RNF180: variants seen among roughly 807,000 people sequenced by gnomAD.
RNF180 encodes E3 ubiquitin-protein ligase RNF180.
Under a neutral mutation model 59.2 loss-of-function variants are expected in RNF180, and 38 were observed. The ratio of observed to expected loss-of-function variants is 0.64; its 90% CI spans 0.50 to 0.84. The LOEUF is 0.84. Among genes scored for constraint, RNF180 ranks in the 40% least tolerant of loss-of-function variants. The probability of loss-of-function intolerance (pLI) is 0.00; values close to 1 mark genes in which losing one functional copy is unlikely to be tolerated. For synonymous variants in RNF180, 262 were observed against 240.3 expected (o/e 1.09, Z -0.84); for missense variants, 705 against 700.9 (o/e 1.01, Z -0.07).
chr5:64,365,209 C>A (rs891463579), intron 7 of RNF180, among the ~76,000 whole-genome samples: 16 of 151,020 alleles, frequency 1.1e-4, no homozygotes, highest in African/African-American at 3.9e-4. Flanking sequence ...TCCCTTTTAA[C>A]TCTTCTCATT....
At chr5:64,186,765 A>G (rs2111978438) in intron 1 of RNF180, among the ~76,000 whole-genome samples, 1 of 152,284 alleles carries the variant, frequency 6.6e-6, no homozygotes, top group Non-Finnish European at 1.5e-5. Flanking sequence ...AAATAATGAA[A>G]ACTCTTCTTT....
chr5:64,306,688 G>A (rs1004235321), intron 5 of RNF180, among the ~76,000 whole-genome samples: 8 of 151,680 alleles, frequency 5.3e-5, no homozygotes, highest in African/African-American at 1.9e-4. Context: ...CATGGATGAA[G>A]CTGGAAACCA....
intron 5 of RNF180, among the ~76,000 whole-genome samples, chr5:64,308,377 GTTTCAGT>G (rs1174830467): frequency 6.6e-6 from 1 of 151,692 alleles, no homozygotes; most frequent in Non-Finnish European, 1.5e-5. Context: ...CTGGCTTCTT[GTTTCAGT>G]TCTATTACTA....
At chr5:64,264,977 A>G (rs193136900) in intron 5 of RNF180, among the ~76,000 whole-genome samples, 1 of 152,234 alleles carries the variant, frequency 6.6e-6, no homozygotes, top group East Asian at 1.9e-4. Context: ...TCTAATGACT[A>G]GTGATGATGA....
intron 5 of RNF180, among the ~76,000 whole-genome samples, chr5:64,287,933 T>G (rs990655258): frequency 6.6e-6 from 1 of 152,244 alleles, no homozygotes; most frequent in African/African-American, 2.4e-5. Context: ...TTTTTTGCTT[T>G]TTTTGCAATT....
At chr5:64,266,742 G>A (rs938675569) in intron 5 of RNF180, among the ~76,000 whole-genome samples, 1 of 152,120 alleles carries the variant, frequency 6.6e-6, no homozygotes, top group Admixed American at 6.5e-5. Context: ...AAAATTAAGG[G>A]GAGGGAGTAG....
At position 64,217,410 on chromosome 5, in the gene RNF180, T is replaced by C. The variant is rs1580029892; in HGVS notation, c.1227+14T>C. ...CTGGATCATATGGTAAGTATATATT[T>C]ACTTATATGAGAAATTGTCAAATTG... On this transcript the variant is annotated intron_variant, in intron 5 of 7. Transcript: ENST00000389100. The C allele has an allele frequency of 1.4e-6, 2 of 1,395,856 alleles. No individual in the cohort carries two copies. The highest frequency in any genetic ancestry group is 1.9e-6 in the Non-Finnish European group (2 of 1,069,838). 86.5% of individuals were successfully genotyped at this position (1,395,856 alleles called of 1,614,324 possible).
chr5:64,181,181 G>T (rs770919714), intron 1 of RNF180, among the ~76,000 whole-genome samples: 2 of 152,114 alleles, frequency 1.3e-5, no homozygotes, highest in Non-Finnish European at 2.9e-5. Context: ...TGATTAGATG[G>T]TGCCACCCAA....
intron 7 of RNF180, among the ~76,000 whole-genome samples, chr5:64,357,743 A>AAT (rs1171668370): frequency 6.6e-6 from 1 of 151,828 alleles, no homozygotes; most frequent in Non-Finnish European, 1.5e-5. Flanking sequence ...CAAGCTTCAA[A>AAT]ATAATAGAGT....
chr5:64,234,599 T>G lies in RNF180; in HGVS notation c.1227+17203T>G, dbSNP rs1328383102. ...CGTTCTTTTTTTTTTTTTTTTTTTT[T>G]TTTTTTTTTTTTTTTTTTGAGAAGG... On this transcript the variant is annotated intron_variant, in intron 5 of 7. Coordinates refer to ENST00000389100, the MANE Select transcript of RNF180 (RefSeq NM_001113561.2). Among the ~76,000 whole-genome samples, 567 of 90,184 alleles carry G rather than the reference T, an allele frequency of 6.3e-3. 11 individuals are homozygous for G. The highest frequency in any genetic ancestry group is 0.023 in the African/African-American group (535 of 23,298). The allele number at this position is 90,184 out of a possible 152,430, so 59.2% of individuals were successfully genotyped here.
chr5:64,227,343 C>A (rs1410063821), intron 5 of RNF180, among the ~76,000 whole-genome samples: 2 of 152,210 alleles, frequency 1.3e-5, no homozygotes, highest in Non-Finnish European at 2.9e-5. Context: ...AGGGGCCTGA[C>A]AACCCAACAG....
At chr5:64,234,595 T>TG in intron 5 of RNF180, among the ~76,000 whole-genome samples, 2 of 53,936 alleles carry the variant, frequency 3.7e-5, no homozygotes, top group East Asian at 8.4e-4. Flanking sequence ...TTTTTTTTTT[T>TG]TTTTTTTTTT....
intron 5 of RNF180, among the ~76,000 whole-genome samples, chr5:64,285,546 T>G (rs143278784): frequency 6.6e-6 from 1 of 151,738 alleles, no homozygotes; most frequent in Non-Finnish European, 1.5e-5. Flanking sequence ...ATCATGTGGG[T>G]CAAGTCAGCT....
At chr5:64,357,083 A>G (rs1746058776) in intron 7 of RNF180, among the ~76,000 whole-genome samples, 1 of 151,872 alleles carries the variant, frequency 6.6e-6, no homozygotes, top group South Asian at 2.1e-4. Flanking sequence ...ATGTAGCCTA[A>G]CTTTATAAAC....
At chr5:64,196,700 T>C (rs556693697) in intron 1 of RNF180, among the ~76,000 whole-genome samples, 1 of 152,258 alleles carries the variant, frequency 6.6e-6, no homozygotes, top group South Asian at 2.1e-4. Context: ...GTTCATATTT[T>C]TCTCATATTC....
At chr5:64,361,185 G>C (rs963797437) in intron 7 of RNF180, among the ~76,000 whole-genome samples, 4 of 151,314 alleles carry the variant, frequency 2.6e-5, no homozygotes, top group African/African-American at 7.3e-5. Context: ...TCATAAAACA[G>C]AATACTATAG....
intron 5 of RNF180, among the ~76,000 whole-genome samples, chr5:64,322,292 A>G (rs1332760262): frequency 1.3e-5 from 2 of 152,026 alleles, no homozygotes; most frequent in Non-Finnish European, 2.9e-5. Context: ...AATCTATAAG[A>G]AACTTAAATT....
intron 6 of RNF180, among the ~76,000 whole-genome samples, chr5:64,327,472 G>A (rs950450483): frequency 1.1e-4 from 16 of 151,794 alleles, no homozygotes; most frequent in East Asian, 5.8e-4. Flanking sequence ...AGCTTTTGGC[G>A]TATTATATTT....
intron 5 of RNF180, among the ~76,000 whole-genome samples, chr5:64,245,170 A>C (rs1743075716): frequency 6.6e-6 from 1 of 152,226 alleles, no homozygotes. Flanking sequence ...ACTATGAAGA[A>C]ACTGCAACAA....
Sources: gnomAD v4.1 joint callset for allele counts (sites outside exome capture counted in the v4.1 genomes callset) on GRCh38, gnomAD v4.1.1 for gene constraint, MANE v1.5 for transcripts, NCBI Gene and HGNC (gene_info 2026-07-23, HGNC 2026-07-21) for gene names.